The following MTREX variants were observed in gnomAD, a reference collection of about 807,000 sequenced individuals.
The protein encoded by MTREX is Mtr4 exosome RNA helicase, also known as exosome RNA helicase MTR4.
In MTREX, 76 loss-of-function variants were observed where a neutral mutation model predicts 135.4. The observed-to-expected ratio is 0.56, with a 90% CI of 0.47 to 0.68. The LOEUF (loss-of-function observed/expected upper bound fraction) is 0.68. Ranked by LOEUF, MTREX falls within the 30% of genes least tolerant of loss-of-function variation. The probability of loss-of-function intolerance (pLI) is 0.00; values close to 1 mark genes in which losing one functional copy is unlikely to be tolerated. For synonymous variants in MTREX, 404 were observed against 401.6 expected, an observed-to-expected ratio of 1.01 and a Z score of -0.07; for missense variants, 920 against 1,262.1, an observed-to-expected ratio of 0.73 and a Z score of 4.11.
rs1307546253 is a variant in MTREX, at chr5:55,343,314, A to T, written c.782-17A>T. The stretch of plus-strand genomic sequence containing the variant: ...GTAGTCCAACTATAGTCCAAAGTAT[A>T]TATTTATTTTTTTCAGAACGTGGTG... On this transcript the variant is annotated splice_polypyrimidine_tract_variant and intron_variant, in intron 7 of 26. Coordinates refer to ENST00000230640, the MANE Select transcript of MTREX (RefSeq NM_015360.5). 7 of 1,597,650 alleles carry T rather than the reference A, an allele frequency of 4.4e-6. No homozygotes were observed. The African/African-American group carries it at 9.4e-5, about 22-fold the overall frequency.
intron 19 of MTREX, 79 bp downstream of exon 19, chr5:55,388,181 G>A: frequency 3.2e-6 from 4 of 1,256,334 alleles, no homozygotes; most frequent in Admixed American, 2.2e-5. Context: ...CCAATGTGAT[G>A]GTAATGAACA....
At chr5:55,336,931 T>C (rs1749562668) in intron 5 of MTREX, among the ~76,000 whole-genome samples, 1 of 152,224 alleles carries the variant, frequency 6.6e-6, no homozygotes, top group South Asian at 2.1e-4. Context: ...AGACTTAAAG[T>C]AAGCTGGTAG....
At chr5:55,348,905 AG>A in intron 11 of MTREX, among the ~76,000 whole-genome samples, 1 of 152,354 alleles carries the variant, frequency 6.6e-6, no homozygotes, top group East Asian at 1.9e-4. Context: ...CACAGTTAAT[AG>A]TGGTGCTAAT....
intron 1 of MTREX, among the ~76,000 whole-genome samples, chr5:55,309,399 G>A (rs941374444): frequency 6.6e-6 from 1 of 152,090 alleles, no homozygotes; most frequent in African/African-American, 2.4e-5. Flanking sequence ...AAAGAAGATA[G>A]ACAGTGAGAA....
intron 8 of MTREX, 52 bp downstream of exon 8, chr5:55,343,507 A>G (rs1179482594): frequency 6.6e-7 from 1 of 1,521,264 alleles, no homozygotes; most frequent in Non-Finnish European, 9.0e-7. Context: ...GTTACAGATT[A>G]GTCTTGCTTT....
At chr5:55,356,414 A>G (rs780088601) in intron 14 of MTREX, 140 of 205,090 alleles carry the variant, frequency 6.8e-4, no homozygotes, top group Non-Finnish European at 1.2e-3. Flanking sequence ...TGGACTGGGC[A>G]TATTTGGTGC....
chr5:55,379,236 T>G, intron 18 of MTREX, 41 bp downstream of exon 18: 1 of 1,184,684 alleles, frequency 8.4e-7, no homozygotes, highest in South Asian at 1.3e-5. Context: ...TATCAATTTT[T>G]AGTGAAATGT....
At chr5:55,360,022 C>T (rs967492292) in intron 15 of MTREX, among the ~76,000 whole-genome samples, 17 of 152,056 alleles carry the variant, frequency 1.1e-4, no homozygotes, top group African/African-American at 4.1e-4. Context: ...TCACCATCAC[C>T]ACAATCAATT....
chr5:55,388,191 A>G (rs774511455), intron 19 of MTREX, 89 bp downstream of exon 19: 1 of 1,141,964 alleles, frequency 8.8e-7, no homozygotes. Context: ...GGTAATGAAC[A>G]TACTATCATG....
chr5:55,379,183 G>A lies in MTREX; in HGVS notation c.2040G>A (p.Lys680=), dbSNP rs1750354139. 2 of 1,591,582 alleles carry A rather than the reference G, an allele frequency of 1.3e-6. No homozygotes were observed. The highest frequency in any genetic ancestry group is 1.7e-6 in the Non-Finnish European group (2 of 1,161,616). The change falls in exon 18 of 27, where the codon AAG becomes AAA. Residue 680 remains lysine, a synonymous_variant. Coordinates refer to ENST00000230640, the MANE Select transcript of MTREX (RefSeq NM_015360.5). ...GWGVVVNFSK[K]SNVKPNSGEL... is the part of the protein sequence containing the mutation. ...GAGTAGTGGTGAATTTCTCAAAAAA[G>A]TCAAATGTTAAGGTAAACTATTATC... is the stretch of plus-strand genomic sequence containing the variant.
Position 55,347,116 on chromosome 5 carries a change from T to C in MTREX, c.1212T>C (p.Leu404=). The stretch of plus-strand genomic sequence containing the variant: ...AGAAAGATTGTGAAGCCTATGCACT[T>C]CAAATGACCAAATTAGATTTCAACA... ...FSKKDCEAYA[L]QMTKLDFNTD... The change falls in exon 11 of 27, where the codon CTT becomes CTC. Residue 404 remains leucine, a synonymous_variant. Transcript: ENST00000230640. The C allele has an allele frequency of 1.9e-6, 3 of 1,605,350 alleles. No individual in the cohort carries two copies. In the East Asian group the frequency reaches 6.7e-5, roughly 36 times the overall value.
At chr5:55,397,704 T>C (rs1386684083) in intron 20 of MTREX, among the ~76,000 whole-genome samples, 178 bp downstream of exon 20, 1 of 152,216 alleles carries the variant, frequency 6.6e-6, no homozygotes, top group Non-Finnish European at 1.5e-5. Context: ...TGTGGATTTG[T>C]ACTCTCTTTG....
intron 5 of MTREX, among the ~76,000 whole-genome samples, chr5:55,334,632 A>G (rs1447433209): frequency 1.3e-5 from 2 of 152,130 alleles, no homozygotes; most frequent in African/African-American, 2.4e-5. Flanking sequence ...TATCATAAAT[A>G]TGTATTTGAG....
At chr5:55,381,517 C>A (rs1750395960) in intron 18 of MTREX, among the ~76,000 whole-genome samples, 1 of 152,108 alleles carries the variant, frequency 6.6e-6, no homozygotes, top group Admixed American at 6.5e-5. Context: ...TTCTTTAACC[C>A]ATTGGTTATT....
intron 15 of MTREX, among the ~76,000 whole-genome samples, chr5:55,365,516 A>G (rs1017832512): frequency 6.6e-6 from 1 of 152,204 alleles, no homozygotes; most frequent in African/African-American, 2.4e-5. Flanking sequence ...GTGGACTTCA[A>G]TTTAAGAACC....
chr5:55,350,469 A>G (rs1199029442), intron 12 of MTREX, among the ~76,000 whole-genome samples: 3 of 152,214 alleles, frequency 2.0e-5, no homozygotes, highest in Non-Finnish European at 4.4e-5. Context: ...TAAGTATTTA[A>G]TGGCGTTTGA....
At chr5:55,363,007 G>A (rs1313579260) in intron 15 of MTREX, among the ~76,000 whole-genome samples, 1 of 152,092 alleles carries the variant, frequency 6.6e-6, no homozygotes, top group Non-Finnish European at 1.5e-5. Context: ...GTTACTTAGA[G>A]TACATAAAGT....
chr5:55,367,943 G>A (rs950570414), intron 16 of MTREX, among the ~76,000 whole-genome samples: 1 of 152,168 alleles, frequency 6.6e-6, no homozygotes, highest in African/African-American at 2.4e-5. Context: ...CACAGAAATA[G>A]CTACCCAACC....
intron 7 of MTREX, 31 bp from the exon 8 acceptor site, chr5:55,343,300 A>T (rs774473685): frequency 1.9e-6 from 3 of 1,573,572 alleles, no homozygotes; most frequent in East Asian, 4.5e-5. Flanking sequence ...TAGTCCAACT[A>T]TAGTCCAAAG....
Sources: allele counts gnomAD v4.1 joint callset (sites outside exome capture counted in the v4.1 genomes callset), GRCh38; gene constraint gnomAD v4.1.1; transcripts MANE v1.5; gene names NCBI Gene and HGNC (gene_info 2026-07-23, HGNC 2026-07-21).